The following STARD9 variants were observed in gnomAD, a reference collection of about 807,000 sequenced individuals.
STARD9 encodes stAR-related lipid transfer protein 9.
STARD9 carries 346 observed loss-of-function variants against 399.8 expected under a neutral mutation model. The ratio of observed to expected loss-of-function variants is 0.87; its 90% CI spans 0.79 to 0.95. The LOEUF (loss-of-function observed/expected upper bound fraction) is 0.95, where lower values mean the gene tolerates loss of function less well. Among genes scored for constraint, STARD9 ranks in the 40% least tolerant of loss-of-function variants. The pLI is 0.00. For missense variants in STARD9, 5,832 were observed against 5,667.5 expected (o/e 1.03, Z -0.93); for synonymous variants, 2,203 against 2,143.5 (o/e 1.03, Z -0.77).
In STARD9 at chr15:42,575,790, A is replaced by T. The variant is rs748023841; in HGVS notation, c.47+28A>T. The T allele has an allele frequency of 2.7e-5, 42 of 1,535,824 alleles. No homozygotes were observed. In the African/African-American group the frequency reaches 5.3e-4, roughly 19 times the overall value. On this transcript the variant is annotated intron_variant, in intron 1 of 32. Coordinates refer to ENST00000290607, the MANE Select transcript of STARD9 (RefSeq NM_020759.3). ...GAGTCTCCGCGGGAGAGGGCGCCTGAGGCTTCACAGGAGCTGAAAAGAGCG... is the reference window on the plus strand; with the variant it reads ...GAGTCTCCGCGGGAGAGGGCGCCTGTGGCTTCACAGGAGCTGAAAAGAGCG...
chr15:42,619,680 C>G (rs1002651996), intron 3 of STARD9, among the ~76,000 whole-genome samples: 2 of 152,184 alleles, frequency 1.3e-5, no homozygotes, highest in Non-Finnish European at 2.9e-5. Flanking sequence ...AGGCAGAGCT[C>G]AGGCAATGAA....
At position 42,685,802 on chromosome 15, in the gene STARD9, T is replaced by C. The variant is rs2060539540; in HGVS notation, c.4224T>C (p.Ser1408=). The change falls in exon 23 of 33, where the codon AGT becomes AGC. Residue 1408 remains serine (S), a synonymous_variant. Coordinates refer to ENST00000290607, the MANE Select transcript of STARD9 (RefSeq NM_020759.3). ...AAGGCAGTACTGAGCTCCTCTGCAG[T>C]GCAAGAGATGAGCACACAGCCTCTG... ...LHQGSTELLC[S]ARDEHTASAA... is the part of the protein sequence containing the mutation. 2 of 1,537,228 alleles carry C rather than the reference T, an allele frequency of 1.3e-6. No individual in the cohort carries two copies. Among genetic ancestry groups the C allele is most frequent in the Non-Finnish European group, 1.7e-6 (2 of 1,146,952 alleles).
chr15:42,691,757 G>A lies in STARD9; in HGVS notation c.10179G>A (p.Gly3393=). 6.5e-7 allele frequency: 1 copy of A among 1,537,198 alleles called. No homozygotes were observed. Among genetic ancestry groups the A allele is most frequent in the South Asian group, 1.2e-5 (1 of 84,046 alleles). The part of the protein sequence containing the change: ...NQKASSRLDD[G]TTDHRHLKPA... ...AAGCCTCATCTCGCTTGGATGATGGGACTACCGATCACAGGCACCTGAAGC... is the reference window on the plus strand; with the variant it reads ...AAGCCTCATCTCGCTTGGATGATGGAACTACCGATCACAGGCACCTGAAGC... The change falls in exon 23 of 33, where the codon GGG becomes GGA. Residue 3393 remains glycine, a synonymous_variant. Transcript: ENST00000290607.
At chr15:42,602,768 G>C (rs79704189) in intron 3 of STARD9, among the ~76,000 whole-genome samples, 1 of 152,204 alleles carries the variant, frequency 6.6e-6, no homozygotes, top group Non-Finnish European at 1.5e-5. Context: ...CCAGCAATCA[G>C]CCTGATTGGT....
At chr15:42,602,332 C>T (rs1222056619) in intron 3 of STARD9, among the ~76,000 whole-genome samples, 2 of 151,952 alleles carry the variant, frequency 1.3e-5, no homozygotes. Context: ...TTTTGATATA[C>T]CTGGCTAAGG....
chr15:42,663,376 A>AG lies in STARD9; in HGVS notation c.965dup (p.Ser322ArgfsTer33). 6.5e-7 allele frequency: 1 copy of AG among 1,537,312 alleles called. No individual in the cohort carries two copies. Among genetic ancestry groups the AG allele is most frequent in the Non-Finnish European group, 8.7e-7 (1 of 1,146,904 alleles). ...GATCCTTAGCTCTCCTTCTGGGACC[A>AG]GCAGTGGAGGGGCACCCTCCCGAAG... is the stretch of plus-strand genomic sequence containing the variant. On this transcript the variant is annotated frameshift_variant, in exon 12 of 33. Transcript: ENST00000290607. LOFTEE classifies it high-confidence loss of function.
chr15:42,670,393 A>G (rs945096089), intron 16 of STARD9: 1 of 152,366 alleles, frequency 6.6e-6, no homozygotes, highest in South Asian at 2.1e-4. Context: ...CCTGGAGGCC[A>G]GTCCTCATTT....
At chr15:42,607,687 A>AT (rs2058765047) in intron 3 of STARD9, among the ~76,000 whole-genome samples, 19 of 90,588 alleles carry the variant, frequency 2.1e-4, no homozygotes, top group Admixed American at 9.4e-4. Context: ...CACACACACA[A>AT]ATATATATTT....
chr15:42,683,869 T>TC (rs2060487514), intron 22 of STARD9, among the ~76,000 whole-genome samples: 1 of 152,230 alleles, frequency 6.6e-6, no homozygotes, highest in Admixed American at 6.5e-5. Context: ...TAGGAAGCTT[T>TC]CCCTACAAGT....
chr15:42,663,342 TGACAGTGG>T lies in STARD9; in HGVS notation c.933_940del (p.Ser312ProfsTer2). ...TCAACAGCTCAGTCAGCAATGGTGG[TGACAGTGG>T]GATCCTTAGCTCTCCTTCTGGGACC... is the stretch of plus-strand genomic sequence containing the variant. On this transcript the variant is annotated frameshift_variant, in exon 12 of 33. Transcript: ENST00000290607. LOFTEE classifies it high-confidence loss of function. 1.3e-6 allele frequency: 2 copies of T among 1,537,322 alleles called. No homozygotes were observed. The highest frequency in any genetic ancestry group is 1.7e-6 in the Non-Finnish European group (2 of 1,146,912).
At chr15:42,653,557 T>C (rs987951557) in intron 9 of STARD9, among the ~76,000 whole-genome samples, 1 of 152,022 alleles carries the variant, frequency 6.6e-6, no homozygotes, top group African/African-American at 2.4e-5. Context: ...GTAGAACAAT[T>C]ACGTGATGAA....
intron 1 of STARD9, among the ~76,000 whole-genome samples, chr15:42,581,921 C>A (rs1326212224): frequency 2.0e-5 from 3 of 152,136 alleles, no homozygotes; most frequent in Non-Finnish European, 4.4e-5. Flanking sequence ...GAGACTGAGG[C>A]AGGAGAATCG....
chr15:42,598,185 C>T (rs1200369576), intron 3 of STARD9, among the ~76,000 whole-genome samples: 8 of 151,742 alleles, frequency 5.3e-5, no homozygotes, highest in Admixed American at 4.6e-4. Context: ...GCGCCTGCCA[C>T]CACGCCTGGC....
At position 42,694,244 on chromosome 15, in the gene STARD9, G is replaced by A. The variant is rs547710129; in HGVS notation, c.12666G>A (p.Gly4222=). 11 of 1,532,474 alleles carry A rather than the reference G, an allele frequency of 7.2e-6. No individual in the cohort carries two copies. The East Asian group carries it at 2.4e-4, about 34-fold the overall frequency. The allele number at this position is 1,532,474 out of a possible 1,614,324, so 94.9% of individuals were successfully genotyped here. ...AAGCGAAACTGCACCATGGCTTTGG[G>A]GAGGCCGATGCCCTGCTCCAGGTGC... The part of the protein sequence containing the change: ...LTEAKLHHGF[G]EADALLQVLQ... Residue 4222 remains glycine (G), a synonymous_variant, in exon 23 of 33, where the codon GGG becomes GGA. Coordinates refer to ENST00000290607, the MANE Select transcript of STARD9 (RefSeq NM_020759.3).
chr15:42,665,124 T>C lies in STARD9; in HGVS notation c.1177-129T>C, dbSNP rs2060069061. ...GTGCTGCGGGTCCTGGGACCACAAC[T>C]TGAGAATGACTGCTGTAGAGACTAC... On this transcript the variant is annotated intron_variant, in intron 13 of 32. Transcript: ENST00000290607. 5.8e-6 allele frequency: 4 copies of C among 692,288 alleles called. No homozygotes were observed. In the Admixed American group the frequency reaches 1.0e-4, roughly 18 times the overall value. 42.9% of individuals were successfully genotyped at this position (692,288 alleles called of 1,614,324 possible).
At position 42,686,051 on chromosome 15, in the gene STARD9, C is replaced by T. The variant is rs1365582967; in HGVS notation, c.4473C>T (p.Tyr1491=). Residue 1491 remains tyrosine (Y), a synonymous_variant, in exon 23 of 33, where the codon TAC becomes TAT. Coordinates refer to ENST00000290607, the MANE Select transcript of STARD9 (RefSeq NM_020759.3). ...ATTGGTCTGCCCTTCAGCAGAAGTACCTCCTTGAACTCTCTTGTCCTGTTT... is the reference window on the plus strand; with the variant it reads ...ATTGGTCTGCCCTTCAGCAGAAGTATCTCCTTGAACTCTCTTGTCCTGTTT... The part of the protein sequence containing the change: ...ERDWSALQQK[Y]LLELSCPVLE... 14 of 1,537,170 alleles carry T rather than the reference C, an allele frequency of 9.1e-6. No individual in the cohort carries two copies. The highest frequency in any genetic ancestry group is 1.1e-5 in the Non-Finnish European group (13 of 1,146,906).
intron 23 of STARD9, 23 bp downstream of exon 23, chr15:42,694,365 C>A: frequency 6.5e-7 from 1 of 1,533,828 alleles, no homozygotes; most frequent in African/African-American, 1.4e-5. Context: ...AGCCTGGAGT[C>A]GGGAGGGGAA....
At chr15:42,631,291 A>C (rs1477841997) in intron 3 of STARD9, among the ~76,000 whole-genome samples, 2 of 152,056 alleles carry the variant, frequency 1.3e-5, no homozygotes, top group Non-Finnish European at 2.9e-5. Flanking sequence ...CATTTGTTTC[A>C]AGAAATTTAG....
chr15:42,682,199 G>A lies in STARD9; in HGVS notation c.2161G>A (p.Val721Met). 6.5e-7 allele frequency: 1 copy of A among 1,537,266 alleles called. No homozygotes were observed. Among genetic ancestry groups the A allele is most frequent in the Non-Finnish European group, 8.7e-7 (1 of 1,146,884 alleles). ...AGCAGAGAAAGAACTTGAGGCATCT[G>A]TGGCACTTGATGCTTGGCTTCAGAC... is the stretch of plus-strand genomic sequence containing the variant. Reference protein sequence around the residue: ...QVAEKELEASVALDAWLQTDP... With the variant: ...QVAEKELEASMALDAWLQTDP... Residue 721 changes from valine (V) to methionine (M), a missense_variant, in exon 22 of 33, where the codon GTG becomes ATG. Physicochemically the swap from Val to Met is conservative, Grantham distance 21. Around this residue, in one of 2 missense-constraint regions of STARD9, gnomAD observed 5,828 missense variants for 5,651.1 expected, o/e 1.03. Coordinates refer to ENST00000290607, the MANE Select transcript of STARD9 (RefSeq NM_020759.3).
Sources: gnomAD v4.1 joint callset for allele counts (sites outside exome capture counted in the v4.1 genomes callset) on GRCh38, gnomAD v4.1.1 for gene constraint, gnomAD v4.1.1 regional missense constraint, MANE v1.5 for transcripts, NCBI Gene and HGNC (gene_info 2026-07-23, HGNC 2026-07-21) for gene names.